PRKD1: variants seen among roughly 807,000 people sequenced by gnomAD.
PRKD1 encodes serine/threonine-protein kinase D1.
A neutral mutation model predicts 95.9 loss-of-function variants in PRKD1; 63 were observed. The ratio of observed to expected loss-of-function variants is 0.66; its 90% CI spans 0.54 to 0.81. The LOEUF (loss-of-function observed/expected upper bound fraction) is 0.81. Among genes scored for constraint, PRKD1 ranks in the 30% least tolerant of loss-of-function variants. PRKD1 has a pLI of 0.00. For missense variants in PRKD1, 1,048 were observed against 1,165.3 expected (o/e 0.90, Z 1.47); for synonymous variants, 425 against 423.1 (o/e 1.00, Z -0.05).
chr14:29,874,842 T>G (rs1893231296), intron 1 of PRKD1, among the ~76,000 whole-genome samples: 1 of 151,712 alleles, frequency 6.6e-6, no homozygotes. Flanking sequence ...CTGGGAAGGG[T>G]ATGAGGGTAG....
intron 2 of PRKD1, among the ~76,000 whole-genome samples, chr14:29,697,735 C>T (rs1884606953): frequency 6.6e-6 from 1 of 151,752 alleles, no homozygotes; most frequent in Admixed American, 6.6e-5. Context: ...GCTTGAATTT[C>T]TCCAGCAATT....
Position 29,598,271 on chromosome 14 carries a change from CTAAAATAAAATAAAA to C in PRKD1, c.2167-528_2167-514del, listed in dbSNP as rs199974379. Among the ~76,000 whole-genome samples, 1,006 of 131,500 alleles carry C rather than the reference CTAAAATAAAATAAAA, an allele frequency of 7.7e-3. 15 individuals carry two copies. The highest frequency in any genetic ancestry group is 0.05 in the East Asian group (219 of 4,338). The allele number at this position is 131,500 out of a possible 152,430, so 86.3% of individuals were successfully genotyped here. A position where few individuals can be genotyped will look rare whatever the true frequency, so the allele number is the denominator to read the frequency against. On this transcript the variant is annotated intron_variant, in intron 15 of 17. Coordinates refer to ENST00000331968, the MANE Select transcript of PRKD1 (RefSeq NM_002742.3). ...AGCCTGGGGCAACAGAGTGCTCTGT[CTAAAATAAAATAAAA>C]TAAAATAAAATAAAATAAAATAAAA...
At chr14:29,689,257 CA>C (rs1485326352) in intron 2 of PRKD1, among the ~76,000 whole-genome samples, 1 of 149,460 alleles carries the variant, frequency 6.7e-6, no homozygotes, top group African/African-American at 2.5e-5. Context: ...GAAACTTAAA[CA>C]AATTTACAAG....
intron 2 of PRKD1, among the ~76,000 whole-genome samples, chr14:29,672,825 T>C (rs2139238277): frequency 6.6e-6 from 1 of 152,140 alleles, no homozygotes; most frequent in East Asian, 1.9e-4. Context: ...GACAAGCAGG[T>C]AACCAGGCCT....
At chr14:29,802,484 G>A (rs1890075587) in intron 1 of PRKD1, among the ~76,000 whole-genome samples, 1 of 152,176 alleles carries the variant, frequency 6.6e-6, no homozygotes, top group Admixed American at 6.5e-5. Flanking sequence ...TCTAAATGTG[G>A]TTTTCTAGAC....
At chr14:29,893,402 T>G (rs1167775436) in intron 1 of PRKD1, among the ~76,000 whole-genome samples, 2 of 53,706 alleles carry the variant, frequency 3.7e-5, no homozygotes, top group African/African-American at 2.2e-4. Flanking sequence ...AGAAAGAGGT[T>G]TTTTTTTGGT....
chr14:29,866,555 A>T (rs1029186949), intron 1 of PRKD1, among the ~76,000 whole-genome samples: 1 of 152,216 alleles, frequency 6.6e-6, no homozygotes, highest in African/African-American at 2.4e-5. Context: ...AAAGAATAAA[A>T]TACAGTGAAA....
intron 15 of PRKD1, 84 bp downstream of exon 15, chr14:29,598,943 G>T: frequency 8.6e-7 from 1 of 1,160,464 alleles, no homozygotes; most frequent in Non-Finnish European, 1.3e-6. Context: ...GGTTTTAAGG[G>T]AAAAATGGAA....
chr14:29,853,220 C>A (rs1216020525), intron 1 of PRKD1, among the ~76,000 whole-genome samples: 2 of 152,076 alleles, frequency 1.3e-5, no homozygotes, highest in East Asian at 1.9e-4. Flanking sequence ...AATAATAGAT[C>A]ATCAAATTAT....
chr14:29,641,449 G>C (rs1880759024), intron 4 of PRKD1, among the ~76,000 whole-genome samples: 1 of 152,100 alleles, frequency 6.6e-6, no homozygotes, highest in Non-Finnish European at 1.5e-5. Flanking sequence ...GCATAGTAAC[G>C]TATTTTGTAG....
chr14:29,700,058 A>G (rs538268913), intron 2 of PRKD1, among the ~76,000 whole-genome samples: 29 of 151,604 alleles, frequency 1.9e-4, no homozygotes, highest in Middle Eastern at 6.8e-3. Context: ...AAAATTATCA[A>G]GATTTTCCTA....
chr14:29,772,164 C>T (rs1257847911), intron 1 of PRKD1, among the ~76,000 whole-genome samples: 1 of 152,082 alleles, frequency 6.6e-6, no homozygotes, highest in Non-Finnish European at 1.5e-5. Flanking sequence ...GTATTTAGCA[C>T]GTGAGAAGAA....
chr14:29,852,156 TA>T, intron 1 of PRKD1, among the ~76,000 whole-genome samples: 1 of 152,084 alleles, frequency 6.6e-6, no homozygotes, highest in Non-Finnish European at 1.5e-5. Flanking sequence ...AGTGACAGGT[TA>T]AATCATGCCA....
At chr14:29,716,479 A>C (rs2139370006) in intron 2 of PRKD1, among the ~76,000 whole-genome samples, 1 of 152,302 alleles carries the variant, frequency 6.6e-6, no homozygotes, top group South Asian at 2.1e-4. Flanking sequence ...AAGAAGGAAC[A>C]GCAGGAGAGG....
At chr14:29,835,849 G>A (rs780439716) in intron 1 of PRKD1, among the ~76,000 whole-genome samples, 2 of 152,138 alleles carry the variant, frequency 1.3e-5, no homozygotes, top group Middle Eastern at 3.4e-3. Context: ...GATTACAGGC[G>A]TGAGCCACCA....
At chr14:29,912,468 C>A (rs186742726) in intron 1 of PRKD1, among the ~76,000 whole-genome samples, 1 of 152,154 alleles carries the variant, frequency 6.6e-6, no homozygotes, top group African/African-American at 2.4e-5. Context: ...GACTTCCAAA[C>A]CTATAATTCT....
intron 4 of PRKD1, among the ~76,000 whole-genome samples, chr14:29,644,959 C>A (rs768543609): frequency 1.3e-5 from 2 of 152,038 alleles, no homozygotes; most frequent in Non-Finnish European, 2.9e-5. Context: ...ATTTATACCT[C>A]CATGTTACAC....
intron 1 of PRKD1, among the ~76,000 whole-genome samples, chr14:29,892,931 T>A (rs1161428862): frequency 1.3e-5 from 2 of 152,182 alleles, no homozygotes; most frequent in Non-Finnish European, 2.9e-5. Flanking sequence ...GAAATACCAT[T>A]AAATATATCC....
At chr14:29,656,095 C>CAT (rs1188572442) in intron 4 of PRKD1, among the ~76,000 whole-genome samples, 5 of 152,090 alleles carry the variant, frequency 3.3e-5, no homozygotes, top group African/African-American at 1.2e-4. Context: ...ATTCATTTAA[C>CAT]ATAGCATCAC....
Sources: gnomAD v4.1 joint callset for allele counts (sites outside exome capture counted in the v4.1 genomes callset) on GRCh38, gnomAD v4.1.1 for gene constraint, MANE v1.5 for transcripts, NCBI Gene and HGNC (gene_info 2026-07-23, HGNC 2026-07-21) for gene names.